ZBED5: variants seen among roughly 807,000 people sequenced by gnomAD.
ZBED5 encodes zinc finger BED-type containing 5, also known as zinc finger BED domain-containing protein 5.
In ZBED5, 29 loss-of-function variants were observed where a neutral mutation model predicts 49.2. That is an observed-to-expected ratio of 0.59 (90% CI 0.44 to 0.80). ZBED5 has a LOEUF of 0.80. Among genes scored for constraint, ZBED5 ranks in the 30% least tolerant of loss-of-function variants. The probability of loss-of-function intolerance (pLI) is 0.00; values close to 1 mark genes in which losing one functional copy is unlikely to be tolerated. For missense variants in ZBED5, 775 were observed against 812.9 expected, an observed-to-expected ratio of 0.95 and a Z score of 0.57; for synonymous variants, 281 against 292.5, an observed-to-expected ratio of 0.96 and a Z score of 0.40.
Position 10,852,959 on chromosome 11 carries a change from CAA to C in ZBED5, c.1985_1986del (p.Leu662ArgfsTer11). ...AATKTKYRKR[L>X]DAAPHMRIRL... ...CGGATTCGCATATGAGGTGCAGCAT[CAA>C]GTCTTTTCCTATATTTTGTTTTTGT... On this transcript the variant is annotated frameshift_variant, in exon 3 of 3. Coordinates refer to ENST00000413761, the MANE Select transcript of ZBED5 (RefSeq NM_001143667.2). LOFTEE classifies it high-confidence loss of function. 2 of 1,551,618 alleles carry C rather than the reference CAA, an allele frequency of 1.3e-6. No individual in the cohort carries two copies. The highest frequency in any genetic ancestry group is 1.7e-6 in the Non-Finnish European group (2 of 1,146,952).
At position 10,852,759 on chromosome 11, in the gene ZBED5, AT is replaced by A. The variant is rs879004071; in HGVS notation, c.*104del. 5.8e-5 allele frequency: 82 copies of A among 1,402,964 alleles called. No individual in the cohort carries two copies. In the South Asian group the frequency reaches 7.8e-4, roughly 13 times the overall value. 86.9% of individuals were successfully genotyped at this position (1,402,964 alleles called of 1,614,324 possible). A position where few individuals can be genotyped will look rare whatever the true frequency, so the allele number is the denominator to read the frequency against. On this transcript the variant is annotated 3_prime_UTR_variant, in exon 3 of 3. Transcript: ENST00000413761. The stretch of plus-strand genomic sequence containing the variant: ...CTTAAAATCTAAATAGTATAAAAAA[AT>A]GGAATCATTTTATTTAAATCCCCCA...
Position 10,854,432 on chromosome 11 carries a change from G to A in ZBED5, c.514C>T (p.Leu172Phe). Residue 172 changes from leucine (L) to phenylalanine (F), a missense_variant, in exon 3 of 3, where the codon CTC becomes TTC. Physicochemically the swap from Leu to Phe is conservative, Grantham distance 22. Transcript: ENST00000413761. The surrounding 1 kb of genome is among the most constrained non-coding windows in gnomAD (Gnocchi z 5.0). Reference sequence around the variant, plus strand: ...GGTTTATTATTTTCAGGTGAATCGAGATGTTGCTTGAAAAAGCTTATGTCT... The same window carrying A: ...GGTTTATTATTTTCAGGTGAATCGAAATGTTGCTTGAAAAAGCTTATGTCT... The part of the protein sequence containing the change: ...DKDISFFKQH[L>F]DSPENNKPPT... The A allele has an allele frequency of 1.3e-6, 2 of 1,551,358 alleles. No homozygotes were observed. The highest frequency in any genetic ancestry group is 1.7e-6 in the Non-Finnish European group (2 of 1,146,884).
rs1386464017 is a variant in ZBED5 at position 10,853,161 on chromosome 11, C to T, written c.1785G>A (p.Leu595=). The T allele has an allele frequency of 6.4e-7, 1 of 1,551,660 alleles. No homozygotes were observed. The highest frequency in any genetic ancestry group is 2.0e-5 in the Admixed American group (1 of 50,996). Residue 595 remains leucine, a synonymous_variant, in exon 3 of 3, where the codon CTG becomes CTA. Coordinates refer to ENST00000413761, the MANE Select transcript of ZBED5 (RefSeq NM_001143667.2). The surrounding 1 kb of genome is among the most constrained non-coding windows in gnomAD (Gnocchi z 5.4). ...ASLVARDYES[L]IDLTSDSQVK... is the part of the protein sequence containing the mutation. The stretch of plus-strand genomic sequence containing the variant: ...CTTGAGAATCAGATGTTAAATCAAT[C>T]AGGCTCTCATAGTCCCGTGCTACTA...
chr11:10,854,914 T>C lies in ZBED5; in HGVS notation c.32A>G (p.Tyr11Cys), dbSNP rs768702469. 1 of 1,550,938 alleles carries C rather than the reference T, an allele frequency of 6.4e-7. No individual in the cohort carries two copies. The highest frequency in any genetic ancestry group is 8.7e-7 in the Non-Finnish European group (1 of 1,146,396). The change falls in exon 3 of 3, where the codon TAT becomes TGT. Residue 11 changes from tyrosine (Y) to cysteine (C), a missense_variant. Tyr to Cys is a radical substitution (Grantham distance 194). Transcript: ENST00000413761. The surrounding 1 kb of genome is among the most constrained non-coding windows in gnomAD (Gnocchi z 5.0). Reference sequence around the variant, plus strand: ...GAGTATCGCAAATGTGTTGAAATTATAAGACAGGATACAAAGAAGAGGAGC... The same window carrying C: ...GAGTATCGCAAATGTGTTGAAATTACAAGACAGGATACAAAGAAGAGGAGC... MIAPLLCILS[Y>C]NFNTFAILNV...
In ZBED5 at chr11:10,853,921, C is replaced by G; in HGVS notation, c.1025G>C (p.Cys342Ser). Residue 342 changes from cysteine (C) to serine (S), a missense_variant, in exon 3 of 3, where the codon TGT becomes TCT. Physicochemically the swap from Cys to Ser is moderately radical, Grantham distance 112. Transcript: ENST00000413761. The surrounding 1 kb of genome is among the most constrained non-coding windows in gnomAD (Gnocchi z 5.4). ...ATCCACTGCCCTAGAAGCATCACTACAAACATCAACACATTTTTCCCATTC... is the reference window on the plus strand; with the variant it reads ...ATCCACTGCCCTAGAAGCATCACTAGAAACATCAACACATTTTTCCCATTC... ...EIEWEKCVDV[C>S]SDASRAVDGK... 6.4e-7 allele frequency: 1 copy of G among 1,551,594 alleles called. No homozygotes were observed. Among genetic ancestry groups the G allele is most frequent in the South Asian group, 1.2e-5 (1 of 84,056 alleles).
At position 10,854,006 on chromosome 11, in the gene ZBED5, TACTTTGC is replaced by T. The variant is rs1848142301; in HGVS notation, c.933_939del (p.Gln312MetfsTer46). On this transcript the variant is annotated frameshift_variant, in exon 3 of 3. Coordinates refer to ENST00000413761, the MANE Select transcript of ZBED5 (RefSeq NM_001143667.2). LOFTEE classifies it high-confidence loss of function. This position sits in a 1 kb window ranked among gnomAD's most constrained non-coding sequence, Gnocchi z 5.0. The stretch of plus-strand genomic sequence containing the variant: ...TTGAATATTTCTTCACCGGTAGCAT[TACTTTGC>T]AAAGATTCACACAGGAGTAGGTCTT... 6.4e-7 allele frequency: 1 copy of T among 1,551,452 alleles called. No homozygotes were observed. Among genetic ancestry groups the T allele is most frequent in the African/African-American group, 1.4e-5 (1 of 73,012 alleles).
chr11:10,853,260 T>C lies in ZBED5; in HGVS notation c.1686A>G (p.Lys562=), dbSNP rs1441475937. 2 of 1,551,484 alleles carry C rather than the reference T, an allele frequency of 1.3e-6. No individual in the cohort carries two copies. The highest frequency in any genetic ancestry group is 1.4e-5 in the African/African-American group (1 of 73,046). Residue 562 remains lysine (K), a synonymous_variant, in exon 3 of 3, where the codon AAA becomes AAG. Transcript: ENST00000413761. The surrounding 1 kb of genome is among the most constrained non-coding windows in gnomAD (Gnocchi z 5.4). ...TATTGTCATTTGTTACAGGAAAGTA[T>C]TTTAACAGAGTAGCGCGCAAACCCC... ...HLRGLRATLL[K]YFPVTNDNNA...
At position 10,853,543 on chromosome 11, in the gene ZBED5, G is replaced by C. The variant is rs1325174267; in HGVS notation, c.1403C>G (p.Ser468Ter). ...ATATGCAAGTCTTAGCAGCCAAGAT[G>C]AATTTGTTAAACAATCAGATAGTCG... ...AFRLSDCLTN[S>*]SWLLRLAYLA... The change falls in exon 3 of 3, where the codon TCA becomes TGA. Residue 468 changes from serine (S) to a stop codon, truncating the protein, a stop_gained. Coordinates refer to ENST00000413761, the MANE Select transcript of ZBED5 (RefSeq NM_001143667.2). LOFTEE classifies it high-confidence loss of function. The surrounding 1 kb of genome is among the most constrained non-coding windows in gnomAD (Gnocchi z 5.4). 1 of 1,549,694 alleles carries C rather than the reference G, an allele frequency of 6.5e-7. No homozygotes were observed. The highest frequency in any genetic ancestry group is 1.4e-5 in the African/African-American group (1 of 72,986).
Position 10,853,111 on chromosome 11 carries a change from G to T in ZBED5, c.1835C>A (p.Ser612Ter). The part of the protein sequence containing the change: ...SQVKQNFSEL[S>*]LNDFWSSLIQ... Reference sequence around the variant, plus strand: ...TAGGCTACTCCAAAAATCATTTAGTGAAAGTTCACTAAAATTTTGCTTCAC... The same window carrying T: ...TAGGCTACTCCAAAAATCATTTAGTTAAAGTTCACTAAAATTTTGCTTCAC... Residue 612 changes from serine to a stop codon, truncating the protein, a stop_gained, in exon 3 of 3, where the codon TCA becomes TAA. Transcript: ENST00000413761. LOFTEE classifies it high-confidence loss of function. The surrounding 1 kb of genome is among the most constrained non-coding windows in gnomAD (Gnocchi z 5.4). The T allele has an allele frequency of 6.4e-7, 1 of 1,551,638 alleles. No individual in the cohort carries two copies. Among genetic ancestry groups the T allele is most frequent in the Non-Finnish European group, 8.7e-7 (1 of 1,146,970 alleles).
Position 10,853,607 on chromosome 11 carries a change from G to A in ZBED5, c.1339C>T (p.Leu447Phe). The A allele has an allele frequency of 6.4e-7, 1 of 1,551,262 alleles. No homozygotes were observed. Among genetic ancestry groups the A allele is most frequent in the Non-Finnish European group, 8.7e-7 (1 of 1,146,848 alleles). The change falls in exon 3 of 3, where the codon CTT becomes TTT. Residue 447 changes from leucine (L) to phenylalanine (F), a missense_variant. Coordinates refer to ENST00000413761, the MANE Select transcript of ZBED5 (RefSeq NM_001143667.2). The surrounding 1 kb of genome is among the most constrained non-coding windows in gnomAD (Gnocchi z 5.4). ...ATGAAAACCAAAAGTTCACGACGAA[G>A]TTCAAAAAGTCTTACAAGAACTTTA... ...RGKVLVRLFE[L>F]RRELLVFMDS...
rs369580175 is a variant in ZBED5, at chr11:10,854,236, T to C, written c.710A>G (p.Lys237Arg). 273 of 1,551,030 alleles carry C rather than the reference T, an allele frequency of 1.8e-4. 3 individuals are homozygous for C. In the South Asian group the frequency reaches 1.8e-3, roughly 10 times the overall value. ...GTTTGATAGCTGTACTGCATCTATTTTTTTACTATATTGTTCATCAAACAT... is the reference window on the plus strand; with the variant it reads ...GTTTGATAGCTGTACTGCATCTATTCTTTTACTATATTGTTCATCAAACAT... ...MRMFDEQYSK[K>R]IDAVQLSNST... is the part of the protein sequence containing the mutation. The change falls in exon 3 of 3, where the codon AAA (lysine) becomes AGA (arginine). Residue 237 changes from lysine (K) to arginine (R), a missense_variant. By Grantham distance (26) the Lys-to-Arg change is conservative. Coordinates refer to ENST00000413761, the MANE Select transcript of ZBED5 (RefSeq NM_001143667.2). The surrounding 1 kb of genome is among the most constrained non-coding windows in gnomAD (Gnocchi z 5.0).
chr11:10,854,590 A>T lies in ZBED5; in HGVS notation c.356T>A (p.Phe119Tyr). The T allele has an allele frequency of 6.4e-7, 1 of 1,551,208 alleles. No individual in the cohort carries two copies. Among genetic ancestry groups the T allele is most frequent in the Non-Finnish European group, 8.7e-7 (1 of 1,146,816 alleles). ...TGCATCTCTATTTCCGAAGTAAGTA[A>T]ATCCAAAAGACAAATAACTTTCATC... ...KYDESYLSFG[F>Y]TYFGNRDAPH... Residue 119 changes from phenylalanine (F) to tyrosine (Y), a missense_variant, in exon 3 of 3, where the codon TTT (phenylalanine) becomes TAT (tyrosine). Phe to Tyr is a conservative substitution (Grantham distance 22). Coordinates refer to ENST00000413761, the MANE Select transcript of ZBED5 (RefSeq NM_001143667.2). The surrounding 1 kb of genome is among the most constrained non-coding windows in gnomAD (Gnocchi z 5.0).
At position 10,853,496 on chromosome 11, in the gene ZBED5, A is replaced by G; in HGVS notation, c.1450T>C (p.Leu484=). The G allele has an allele frequency of 6.4e-7, 1 of 1,550,948 alleles. No homozygotes were observed. The highest frequency in any genetic ancestry group is 8.7e-7 in the Non-Finnish European group (1 of 1,146,590). Residue 484 remains leucine, a synonymous_variant, in exon 3 of 3, where the codon TTA becomes CTA. Transcript: ENST00000413761. The surrounding 1 kb of genome is among the most constrained non-coding windows in gnomAD (Gnocchi z 5.4). ...TGCATTGACAAATTAACTTCATTTA[A>G]TTTAGTAAAAATATCTGCAAGATAT... ...LAYLADIFTK[L]NEVNLSMQGK... is the part of the protein sequence containing the mutation.
At chr11:10,856,441 T>C (rs1848182121) in intron 1 of ZBED5, among the ~76,000 whole-genome samples, 184 bp from the exon 2 acceptor site, 1 of 152,142 alleles carries the variant, frequency 6.6e-6, no homozygotes, top group Non-Finnish European at 1.5e-5. Context: ...CTGTTCAATA[T>C]CTTGGCAATT....
At position 10,855,781 on chromosome 11, in the gene ZBED5, T is replaced by G. The variant is rs1848171616; in HGVS notation, c.-142+363A>C. 6.6e-6 allele frequency: 1 copy of G among 152,098 alleles called. No individual in the cohort carries two copies. Among genetic ancestry groups the G allele is most frequent in the South Asian group, 2.1e-4 (1 of 4,834 alleles). 9.4% of individuals were successfully genotyped at this position (152,098 alleles called of 1,614,324 possible). A position where few individuals can be genotyped will look rare whatever the true frequency, so the allele number is the denominator to read the frequency against. ...ACTGTTTCTCTGGACTTAAATTATA[T>G]AAACGTTTATATTATCCAAATTAAG... On this transcript the variant is annotated intron_variant, in intron 2 of 2. Transcript: ENST00000413761. The surrounding 1 kb of genome is among the most constrained non-coding windows in gnomAD (Gnocchi z 4.1).
At position 10,853,356 on chromosome 11, in the gene ZBED5, G is replaced by T; in HGVS notation, c.1590C>A (p.Leu530=). The T allele has an allele frequency of 6.4e-7, 1 of 1,551,536 alleles. No individual in the cohort carries two copies. Among genetic ancestry groups the T allele is most frequent in the Non-Finnish European group, 8.7e-7 (1 of 1,146,914 alleles). ...EEENFDCFPT[L]SDFLTEINST... is the part of the protein sequence containing the mutation. ...AATTAATTTCAGTCAAAAAATCACT[G>T]AGTGTAGGAAAACAATCAAAGTTTT... The change falls in exon 3 of 3, where the codon CTC becomes CTA. Residue 530 remains leucine (L), a synonymous_variant. Coordinates refer to ENST00000413761, the MANE Select transcript of ZBED5 (RefSeq NM_001143667.2). The surrounding 1 kb of genome is among the most constrained non-coding windows in gnomAD (Gnocchi z 5.4).
chr11:10,854,919 C>T lies in ZBED5; in HGVS notation c.27G>A (p.Leu9=). 2 of 1,550,636 alleles carry T rather than the reference C, an allele frequency of 1.3e-6. No individual in the cohort carries two copies. Among genetic ancestry groups the T allele is most frequent in the Non-Finnish European group, 1.7e-6 (2 of 1,146,234 alleles). The part of the protein sequence containing the change: MIAPLLCI[L]SYNFNTFAIL... Reference sequence around the variant, plus strand: ...TCGCAAATGTGTTGAAATTATAAGACAGGATACAAAGAAGAGGAGCAATCA... The same window carrying T: ...TCGCAAATGTGTTGAAATTATAAGATAGGATACAAAGAAGAGGAGCAATCA... The change falls in exon 3 of 3, where the codon CTG becomes CTA. Residue 9 remains leucine (L), a synonymous_variant. Coordinates refer to ENST00000413761, the MANE Select transcript of ZBED5 (RefSeq NM_001143667.2). The surrounding 1 kb of genome is among the most constrained non-coding windows in gnomAD (Gnocchi z 5.0).
Position 10,854,784 on chromosome 11 carries a change from A to G in ZBED5, c.162T>C (p.Tyr54=), listed in dbSNP as rs1175281186. The G allele has an allele frequency of 3.2e-6, 5 of 1,551,982 alleles. No homozygotes were observed. Among genetic ancestry groups the G allele is most frequent in the South Asian group, 1.2e-5 (1 of 84,070 alleles). The stretch of plus-strand genomic sequence containing the variant: ...GATCATTTGATTCAGACACAATCTG[A>G]TAACAGAAAGATTCCACTTCTTGTT... ...SLKQEVESFC[Y]QIVSESNDQK... The change falls in exon 3 of 3, where the codon TAT becomes TAC. Residue 54 remains tyrosine (Y), a synonymous_variant. Transcript: ENST00000413761. This position sits in a 1 kb window ranked among gnomAD's most constrained non-coding sequence, Gnocchi z 5.0.
At position 10,854,475 on chromosome 11, in the gene ZBED5, A is replaced by G. The variant is rs1320916466; in HGVS notation, c.471T>C (p.His157=). 16 of 1,551,412 alleles carry G rather than the reference A, an allele frequency of 1.0e-5. No homozygotes were observed. Among genetic ancestry groups the G allele is most frequent in the Non-Finnish European group, 1.1e-5 (13 of 1,146,928 alleles). The change falls in exon 3 of 3, where the codon CAT becomes CAC. Residue 157 remains histidine, a synonymous_variant. Transcript: ENST00000413761. This position sits in a 1 kb window ranked among gnomAD's most constrained non-coding sequence, Gnocchi z 5.0. ...SKLRRHLETK[H]AAYKDKDISF... ...TTATGTCTTTGTCTTTATATGCAGC[A>G]TGTTTAGTTTCCAAATGTCTTCGAA...
Sources: allele counts gnomAD v4.1 joint callset (sites outside exome capture counted in the v4.1 genomes callset), GRCh38; gene constraint gnomAD v4.1.1; non-coding constraint Gnocchi (gnomAD v3.1); transcripts MANE v1.5; gene names NCBI Gene and HGNC (gene_info 2026-07-23, HGNC 2026-07-21).